The following LSAMP variants were observed in gnomAD, a reference collection of about 807,000 sequenced individuals.
LSAMP encodes limbic system associated membrane protein.
Under a neutral mutation model 38.6 loss-of-function variants are expected in LSAMP, and 7 were observed. The observed-to-expected ratio is 0.18, with a 90% confidence interval of 0.10 to 0.34. The LOEUF is 0.34. Among genes scored for constraint, LSAMP ranks in the 10% least tolerant of loss-of-function variants. The pLI, the probability that LSAMP is intolerant of heterozygous loss-of-function variation, is 1.00. For missense variants in LSAMP, 313 were observed against 420.0 expected (o/e 0.75, Z 2.23); for synonymous variants, 154 against 166.8 (o/e 0.92, Z 0.59).
rs557476624 is a variant in LSAMP at position 116,014,758 on chromosome 3, T to A, written c.514+4757A>T. 3.9e-5 allele frequency among the ~76,000 whole-genome samples: 6 copies of A among 152,334 alleles called. No individual in the cohort carries two copies. The East Asian group carries it at 1.2e-3, about 29-fold the overall frequency. On this transcript the variant is annotated intron_variant, in intron 3 of 6. Transcript: ENST00000490035. Reference sequence around the variant, plus strand: ...ATATGAAATCATACTAATTCTAACATGCTAACTTGAAGGACCGGATGTTAC... The same window carrying A: ...ATATGAAATCATACTAATTCTAACAAGCTAACTTGAAGGACCGGATGTTAC...
At chr3:116,116,547 A>AAAAAATAC (rs1378146237) in intron 1 of LSAMP, among the ~76,000 whole-genome samples, 21 of 150,386 alleles carry the variant, frequency 1.4e-4, no homozygotes, top group African/African-American at 4.9e-4. Context: ...AAAAAAAAAA[A>AAAAAATAC]AAAATACAAA....
At chr3:115,948,471 A>G (rs755890049) in intron 3 of LSAMP, among the ~76,000 whole-genome samples, 6 of 152,206 alleles carry the variant, frequency 3.9e-5, no homozygotes, top group Non-Finnish European at 5.9e-5. Context: ...ATTAACTCCA[A>G]AAAGAACCCT....
At chr3:116,062,307 G>A (rs781163567) in intron 2 of LSAMP, among the ~76,000 whole-genome samples, 1 of 152,098 alleles carries the variant, frequency 6.6e-6, no homozygotes, top group Non-Finnish European at 1.5e-5. Context: ...TCAAGAGTTC[G>A]AGACCAGCTT....
chr3:115,987,463 G>A (rs80152128), intron 3 of LSAMP, among the ~76,000 whole-genome samples: 2,061 of 152,184 alleles, frequency 0.014, 51 homozygotes, highest in African/African-American at 0.045. Flanking sequence ...AACAATATTC[G>A]TTTAACCTTG....
chr3:115,818,356 C>T (rs1339189582), intron 6 of LSAMP, among the ~76,000 whole-genome samples: 1 of 152,012 alleles, frequency 6.6e-6, no homozygotes, highest in Non-Finnish European at 1.5e-5. Flanking sequence ...TCGATGAGGC[C>T]ATCTTCAGTT....
chr3:116,137,524 T>A (rs1709278094), intron 1 of LSAMP, among the ~76,000 whole-genome samples: 1 of 152,174 alleles, frequency 6.6e-6, no homozygotes, highest in Non-Finnish European at 1.5e-5. Context: ...ACTTTTTCCT[T>A]TATCCTTCCA....
chr3:116,441,977 A>G lies in LSAMP; in HGVS notation c.155+2900T>C, dbSNP rs1459921704. Among the ~76,000 whole-genome samples the G allele has an allele frequency of 3.9e-5, 6 of 152,190 alleles. No homozygotes were observed. In the East Asian group the frequency reaches 1.2e-3, roughly 29 times the overall value. On this transcript the variant is annotated intron_variant, in intron 1 of 6. Coordinates refer to ENST00000490035, the MANE Select transcript of LSAMP (RefSeq NM_002338.5). The stretch of plus-strand genomic sequence containing the variant: ...ACACAGGTCTGTAATCTCCTCTAGA[A>G]AATAATTGAGTTAGGTATGTATACA...
At chr3:116,184,172 G>A (rs933852139) in intron 1 of LSAMP, among the ~76,000 whole-genome samples, 2 of 151,832 alleles carry the variant, frequency 1.3e-5, no homozygotes, top group Admixed American at 6.6e-5. Context: ...TTCATCATCA[G>A]CTTCCTTATC....
intron 1 of LSAMP, among the ~76,000 whole-genome samples, chr3:116,232,931 G>A (rs11924199): frequency 6.6e-6 from 1 of 151,810 alleles, no homozygotes; most frequent in African/African-American, 2.4e-5. Context: ...TAAGAAATTA[G>A]CAAGCCAGGG....
At chr3:116,301,762 AT>A (rs1441544533) in intron 1 of LSAMP, among the ~76,000 whole-genome samples, 3 of 152,226 alleles carry the variant, frequency 2.0e-5, no homozygotes. Context: ...CAAGTATAAA[AT>A]TATGAGTTTA....
At chr3:116,088,727 A>G (rs1708049499) in intron 1 of LSAMP, among the ~76,000 whole-genome samples, 1 of 152,192 alleles carries the variant, frequency 6.6e-6, no homozygotes, top group Non-Finnish European at 1.5e-5. Flanking sequence ...ATGTATTCTG[A>G]ATGCCTCTTA....
intron 1 of LSAMP, among the ~76,000 whole-genome samples, chr3:116,127,704 T>C (rs993440715): frequency 7.6e-6 from 1 of 131,158 alleles, no homozygotes; most frequent in African/African-American, 4.1e-5. Flanking sequence ...CATTTTTTTT[T>C]TTTTTTTTTT....
At chr3:116,060,610 A>G (rs560814423) in intron 2 of LSAMP, among the ~76,000 whole-genome samples, 1 of 152,256 alleles carries the variant, frequency 6.6e-6, no homozygotes, top group African/African-American at 2.4e-5. Flanking sequence ...AAAATACAAA[A>G]TTAGCCGGAC....
intron 1 of LSAMP, among the ~76,000 whole-genome samples, chr3:116,186,692 T>C (rs567061507): frequency 6.6e-6 from 1 of 152,276 alleles, no homozygotes; most frequent in African/African-American, 2.4e-5. Context: ...CTCCACACTC[T>C]TGCTTCTCAC....
chr3:116,264,096 T>C (rs1384455817), intron 1 of LSAMP, among the ~76,000 whole-genome samples: 1 of 152,196 alleles, frequency 6.6e-6, no homozygotes, highest in Admixed American at 6.5e-5. Context: ...TTAAGGGAAA[T>C]ATCACCTTTT....
At chr3:115,933,297 G>A (rs939525194) in intron 3 of LSAMP, among the ~76,000 whole-genome samples, 6 of 152,142 alleles carry the variant, frequency 3.9e-5, no homozygotes, top group African/African-American at 1.4e-4. Context: ...CTGGAGATTT[G>A]AAAGACTGGT....
chr3:116,170,767 A>G (rs1187204790), intron 1 of LSAMP, among the ~76,000 whole-genome samples: 2 of 152,284 alleles, frequency 1.3e-5, no homozygotes, highest in Non-Finnish European at 2.9e-5. Flanking sequence ...AAAAGAAGAG[A>G]ACATCCTGAC....
At chr3:115,844,904 G>A (rs1207419550) in intron 4 of LSAMP, among the ~76,000 whole-genome samples, 6 of 152,144 alleles carry the variant, frequency 3.9e-5, no homozygotes, top group Non-Finnish European at 4.4e-5. Flanking sequence ...CTGAACCCAG[G>A]AGATGGAGGT....
chr3:116,070,959 G>GA (rs1415272292), intron 2 of LSAMP, among the ~76,000 whole-genome samples: 1 of 151,894 alleles, frequency 6.6e-6, no homozygotes. Context: ...AGAATCGCTT[G>GA]AACCCTGGAG....
Sources: allele counts gnomAD v4.1 joint callset (sites outside exome capture counted in the v4.1 genomes callset), GRCh38; gene constraint gnomAD v4.1.1; transcripts MANE v1.5; gene names NCBI Gene and HGNC (gene_info 2026-07-23, HGNC 2026-07-21).